Variants in BAZ2B observed in about 807,000 individuals in gnomAD.
BAZ2B encodes bromodomain adjacent to zinc finger domain 2B, also known as bromodomain adjacent to zinc finger domain protein 2B.
A neutral mutation model predicts 246.0 loss-of-function variants in BAZ2B; 91 were observed. The observed-to-expected ratio is 0.37, with a 90% CI of 0.31 to 0.44. The LOEUF (loss-of-function observed/expected upper bound fraction) is 0.44. BAZ2B is among the 20% of genes least tolerant of loss of function. The pLI, the probability that BAZ2B is intolerant of heterozygous loss-of-function variation, is 1.00. For synonymous variants in BAZ2B, 855 were observed against 860.0 expected (o/e 0.99, Z 0.10); for missense variants, 2,332 against 2,533.7 (o/e 0.92, Z 1.71).
At chr2:159,496,783 CAAAAAAAA>C (rs10713062) in intron 2 of BAZ2B, among the ~76,000 whole-genome samples, 9 of 64,202 alleles carry the variant, frequency 1.4e-4, no homozygotes, top group Admixed American at 4.9e-4. Flanking sequence ...AACTCCGTCT[CAAAAAAAA>C]AAAAAAAAAA....
chr2:159,529,939 T>C (rs1413757940), intron 2 of BAZ2B, among the ~76,000 whole-genome samples: 1 of 152,204 alleles, frequency 6.6e-6, no homozygotes, highest in Non-Finnish European at 1.5e-5. Context: ...ATATTTTTCA[T>C]GTCCACATTC....
chr2:159,370,465 G>C (rs1167332925), intron 27 of BAZ2B, among the ~76,000 whole-genome samples: 1 of 141,770 alleles, frequency 7.1e-6, no homozygotes, highest in Non-Finnish European at 1.5e-5. Flanking sequence ...CCGTCTCCCG[G>C]GTTCATGCCA....
In BAZ2B at chr2:159,432,772, C is replaced by T; in HGVS notation, c.1885G>A (p.Asp629Asn). The T allele has an allele frequency of 6.2e-7, 1 of 1,611,608 alleles. No homozygotes were observed. The highest frequency in any genetic ancestry group is 8.5e-7 in the Non-Finnish European group (1 of 1,178,032). ...DEEDDEDDES[D>N]DSQSESDSNS... ...TGAAAATAACCTGATTGGCTGTCAT[C>T]AGATTCATCATCTTCATCATCTTCC... Residue 629 changes from aspartate to asparagine, a missense_variant, in exon 9 of 37, where the codon GAT becomes AAT. Coordinates refer to ENST00000392783, the MANE Select transcript of BAZ2B (RefSeq NM_013450.4).
the BAZ2B span, chr2:159,670,681 G>A: frequency 1.3e-5 from 2 of 152,094 alleles, no homozygotes; most frequent in African/African-American, 4.8e-5. Context: ...GAGGATAACA[G>A]TCTTTTATTT....
chr2:159,665,852 A>G, the BAZ2B span, among the ~76,000 whole-genome samples: 231 of 152,332 alleles, frequency 1.5e-3, no homozygotes, highest in African/African-American at 4.9e-3. Context: ...TGCAAATTCT[A>G]GTTGGTGCAC....
intron 14 of BAZ2B, among the ~76,000 whole-genome samples, chr2:159,411,732 T>C (rs1168002827): frequency 5.9e-5 from 9 of 152,250 alleles, no homozygotes. Flanking sequence ...TTATGTATAA[T>C]GTCAAATCAT....
At chr2:159,367,993 T>TA (rs1290796666) in intron 27 of BAZ2B, among the ~76,000 whole-genome samples, 5 of 152,232 alleles carry the variant, frequency 3.3e-5, no homozygotes, top group Non-Finnish European at 5.9e-5. Flanking sequence ...GTTTGACACT[T>TA]ACTGATCTTT....
chr2:159,532,622 G>A (rs1052109952), intron 2 of BAZ2B, among the ~76,000 whole-genome samples: 3 of 152,150 alleles, frequency 2.0e-5, no homozygotes, highest in Non-Finnish European at 4.4e-5. Flanking sequence ...TTGCATCTCT[G>A]CCCTGAAATC....
At chr2:159,467,926 G>A (rs182705995) in intron 3 of BAZ2B, among the ~76,000 whole-genome samples, 1 of 152,320 alleles carries the variant, frequency 6.6e-6, no homozygotes. Context: ...AAAACAGCAG[G>A]CTTATCAACT....
intron 26 of BAZ2B, 53 bp from the exon 27 acceptor site, chr2:159,373,242 A>G (rs2061045194): frequency 6.6e-7 from 1 of 1,513,638 alleles, no homozygotes; most frequent in African/African-American, 1.4e-5. Context: ...ATGCTTTAAA[A>G]ATTAATATAT....
At chr2:159,455,455 G>A (rs993892554) in intron 3 of BAZ2B, among the ~76,000 whole-genome samples, 1 of 152,066 alleles carries the variant, frequency 6.6e-6, no homozygotes, top group African/African-American at 2.4e-5. Flanking sequence ...AAAAAGTTCT[G>A]ATTCAGGATA....
In BAZ2B at chr2:159,350,029, T is replaced by A. The variant is rs1308181772; in HGVS notation, c.4542A>T (p.Thr1514=). ...CCTTTTCCACATTGCTTTGCGTTGCTGTTGACTGAACGCTGCCCAGTGAAT... is the reference window on the plus strand; with the variant it reads ...CCTTTTCCACATTGCTTTGCGTTGCAGTTGACTGAACGCTGCCCAGTGAAT... ...GKHSLGSVQS[T]ATQSNVEKAD... The change falls in exon 28 of 37, where the codon ACA becomes ACT. Residue 1514 remains threonine (T), a synonymous_variant. Coordinates refer to ENST00000392783, the MANE Select transcript of BAZ2B (RefSeq NM_013450.4). 6.2e-7 allele frequency: 1 copy of A among 1,614,202 alleles called. No homozygotes were observed. The highest frequency in any genetic ancestry group is 8.5e-7 in the Non-Finnish European group (1 of 1,180,016).
chr2:159,562,372 A>C (rs1451455860), intron 1 of BAZ2B, among the ~76,000 whole-genome samples: 1 of 152,222 alleles, frequency 6.6e-6, no homozygotes, highest in Non-Finnish European at 1.5e-5. Context: ...AGACTTGGTA[A>C]ATTTAAAAAA....
At chr2:159,580,763 C>G (rs2151630213) in intron 1 of BAZ2B, among the ~76,000 whole-genome samples, 1 of 152,254 alleles carries the variant, frequency 6.6e-6, no homozygotes, top group South Asian at 2.1e-4. Flanking sequence ...AATAATACTA[C>G]ACATCTACAA....
chr2:159,377,664 T>C (rs1177365136), intron 25 of BAZ2B, among the ~76,000 whole-genome samples: 2 of 151,614 alleles, frequency 1.3e-5, no homozygotes, highest in African/African-American at 2.4e-5. Context: ...AATACAAAAA[T>C]TAGCTGGGCG....
chr2:159,686,853 T>A, the BAZ2B span, among the ~76,000 whole-genome samples: 2 of 151,950 alleles, frequency 1.3e-5, no homozygotes, highest in South Asian at 4.2e-4. Context: ...CCACCCTGGC[T>A]AACATGGTGA....
chr2:159,437,309 G>C (rs2072543836), intron 8 of BAZ2B: 1 of 152,062 alleles, frequency 6.6e-6, no homozygotes, highest in Non-Finnish European at 1.5e-5. Flanking sequence ...GAAAAACAAA[G>C]ATGAGAAAAT....
chr2:159,326,025 T>G, intron 34 of BAZ2B, 107 bp from the exon 35 acceptor site: 1 of 953,014 alleles, frequency 1.0e-6, no homozygotes, highest in East Asian at 2.9e-5. Context: ...AAAGAATAAC[T>G]CTGATCTAGA....
At chr2:159,414,122 G>A (rs564401825) in intron 13 of BAZ2B, among the ~76,000 whole-genome samples, 1 of 152,298 alleles carries the variant, frequency 6.6e-6, no homozygotes, top group Admixed American at 6.5e-5. Context: ...CATCATGGAT[G>A]GAACTAGAGA....
Sources: gnomAD v4.1 joint callset for allele counts (sites outside exome capture counted in the v4.1 genomes callset) on GRCh38, gnomAD v4.1.1 for gene constraint, MANE v1.5 for transcripts, NCBI Gene and HGNC (gene_info 2026-07-23, HGNC 2026-07-21) for gene names.